B4GALNT4: variants seen among roughly 807,000 people sequenced by gnomAD.
The protein encoded by B4GALNT4 is N-acetyl-beta-glucosaminyl-glycoprotein 4-beta-N-acetylgalactosaminyltransferase 1.
In B4GALNT4, 77 loss-of-function variants were observed where a neutral mutation model predicts 110.0. The ratio of observed to expected loss-of-function variants is 0.70; its 90% CI spans 0.58 to 0.85. The LOEUF is 0.85. Among genes scored for constraint, B4GALNT4 ranks in the 40% least tolerant of loss-of-function variants. The pLI, the probability that B4GALNT4 is intolerant of heterozygous loss-of-function variation, is 0.00. For synonymous variants in B4GALNT4, 785 were observed against 655.5 expected, an observed-to-expected ratio of 1.20 and a Z score of -3.02; for missense variants, 1,575 against 1,506.0, an observed-to-expected ratio of 1.05 and a Z score of -0.76.
chr11:369,532 C>A lies in B4GALNT4; in HGVS notation c.-272C>A, dbSNP rs1846571022. 7.0e-6 allele frequency among the ~76,000 whole-genome samples: 1 copy of A among 143,150 alleles called. No homozygotes were observed. The highest frequency in any genetic ancestry group is 2.1e-4 in the South Asian group (1 of 4,684). 93.9% of individuals were successfully genotyped at this position (143,150 alleles called of 152,430 possible). A position where few individuals can be genotyped will look rare whatever the true frequency, so the allele number is the denominator to read the frequency against. On this transcript the variant is annotated 5_prime_UTR_variant, in exon 1 of 20. Transcript: ENST00000329962. Reference sequence around the variant, plus strand: ...GTGGCAGCCGTGGATGCTGTTCGGTCCCGCCGCCGCCCCAGGAGCGCGGAG... The same window carrying A: ...GTGGCAGCCGTGGATGCTGTTCGGTACCGCCGCCGCCCCAGGAGCGCGGAG...
chr11:381,987 C>T lies in B4GALNT4; in HGVS notation c.*195C>T. 1 of 529,282 alleles carries T rather than the reference C, an allele frequency of 1.9e-6. No homozygotes were observed. The allele number at this position is 529,282 out of a possible 1,614,324, so 32.8% of individuals were successfully genotyped here. A position where few individuals can be genotyped will look rare whatever the true frequency, so the allele number is the denominator to read the frequency against. On this transcript the variant is annotated 3_prime_UTR_variant, in exon 20 of 20. Transcript: ENST00000329962. Reference sequence around the variant, plus strand: ...GCCTTCACGGCGGGTCAGGGCCTGGCCTTGGTCCCCACTCTGCGATGATTT... The same window carrying T: ...GCCTTCACGGCGGGTCAGGGCCTGGTCTTGGTCCCCACTCTGCGATGATTT...
Position 380,367 on chromosome 11 carries a change from C to G in B4GALNT4, c.2791C>G (p.His931Asp). Residue 931 changes from histidine to aspartate, a missense_variant, in exon 18 of 20, where the codon CAC (histidine) becomes GAC (aspartate). By Grantham distance (81) the His-to-Asp change is moderately conservative. Transcript: ENST00000329962. Reference sequence around the variant, plus strand: ...CAACATCCTGGACGGCATCCGCAAGCACTGCGTGGAGGGCAGGCTGGCCTT... The same window carrying G: ...CAACATCCTGGACGGCATCCGCAAGGACTGCGTGGAGGGCAGGCTGGCCTT... ...PPNILDGIRKHCVEGRLAFAP... is the reference protein window; with the variant it reads ...PPNILDGIRKDCVEGRLAFAP... 6.2e-7 allele frequency: 1 copy of G among 1,613,380 alleles called. No individual in the cohort carries two copies. The highest frequency in any genetic ancestry group is 8.5e-7 in the Non-Finnish European group (1 of 1,179,766).
intron 14 of B4GALNT4, among the ~76,000 whole-genome samples, chr11:378,060 G>C (rs893335228): frequency 6.6e-6 from 1 of 152,140 alleles, no homozygotes; most frequent in African/African-American, 2.4e-5. Context: ...TCTCCTGTGC[G>C]TGATGGAAGG....
At position 376,734 on chromosome 11, in the gene B4GALNT4, C is replaced by A; in HGVS notation, c.1611C>A (p.Ser537=). 1 of 1,392,712 alleles carries A rather than the reference C, an allele frequency of 7.2e-7. No individual in the cohort carries two copies. Among genetic ancestry groups the A allele is most frequent in the Non-Finnish European group, 9.3e-7 (1 of 1,079,310 alleles). 86.3% of individuals were successfully genotyped at this position (1,392,712 alleles called of 1,614,324 possible). Residue 537 remains serine (S), a synonymous_variant, in exon 14 of 20, where the codon TCC becomes TCA. Transcript: ENST00000329962. ...VTRVRPGQRA[S]PRAPAPRAPW... ...GGGTGCGGCCGGGACAGCGGGCATC[C>A]CCCCGGGCCCCAGCGCCGCGTGCGC... is the stretch of plus-strand genomic sequence containing the variant.
chr11:372,110 T>C lies in B4GALNT4; in HGVS notation c.153T>C (p.Asp51=), dbSNP rs141374903. 4.5e-6 allele frequency: 7 copies of C among 1,548,720 alleles called. No homozygotes were observed. The East Asian group carries it at 1.7e-4, about 38-fold the overall frequency. Residue 51 remains aspartate, a splice_region_variant and synonymous_variant, in exon 2 of 20, where the codon GAT becomes GAC. Coordinates refer to ENST00000329962, the MANE Select transcript of B4GALNT4 (RefSeq NM_178537.5). ...ACAGGCCTCATGTGCCACCTGCAGA[T>C]GGTGAGAAGCTGACCAGTGAGACCG... The part of the protein sequence containing the change: ...ALRQRLGYGR[D]GEKLTSETDG...
In B4GALNT4 at chr11:376,524, C is replaced by T. The variant is rs900537736; in HGVS notation, c.1401C>T (p.Pro467=). The part of the protein sequence containing the change: ...SGPQSPAPAA[P]AQPGATLAPP... ...CCCAGTCCCCCGCCCCAGCAGCCCCCGCCCAGCCCGGAGCCACCCTCGCCC... is the reference window on the plus strand; with the variant it reads ...CCCAGTCCCCCGCCCCAGCAGCCCCTGCCCAGCCCGGAGCCACCCTCGCCC... The change falls in exon 14 of 20, where the codon CCC becomes CCT. Residue 467 remains proline (P), a synonymous_variant. Coordinates refer to ENST00000329962, the MANE Select transcript of B4GALNT4 (RefSeq NM_178537.5). The T allele has an allele frequency of 9.5e-6, 14 of 1,466,670 alleles. No homozygotes were observed. The highest frequency in any genetic ancestry group is 5.8e-5 in the African/African-American group (4 of 68,898). The allele number at this position is 1,466,670 out of a possible 1,614,324, so 90.9% of individuals were successfully genotyped here. A position where few individuals can be genotyped will look rare whatever the true frequency, so the allele number is the denominator to read the frequency against.
At chr11:375,387 A>G (rs1044905186) in intron 8 of B4GALNT4, 74 bp from the exon 9 acceptor site, 1 of 1,497,334 alleles carries the variant, frequency 6.7e-7, no homozygotes, top group Non-Finnish European at 9.3e-7. Context: ...CCCGGCCCTG[A>G]GCCAGGGTAG....
chr11:373,408 A>AT lies in B4GALNT4; in HGVS notation c.637-41_637-40insT, dbSNP rs1846657125. On this transcript the variant is annotated intron_variant, in intron 6 of 19. Coordinates refer to ENST00000329962, the MANE Select transcript of B4GALNT4 (RefSeq NM_178537.5). ...TTTGGTGTCCCCAGGGAGAGAGTGA[A>AT]CCCCCCCCCCCACCACCACCCCTGC... The AT allele has an allele frequency of 8.7e-6, 7 of 808,750 alleles. 1 individual carries two copies. Among genetic ancestry groups the AT allele is most frequent in the Non-Finnish European group, 1.4e-5 (7 of 514,358 alleles). The allele number at this position is 808,750 out of a possible 1,614,324, so 50.1% of individuals were successfully genotyped here.
Position 377,125 on chromosome 11 carries a change from G to A in B4GALNT4, c.2002G>A (p.Ala668Thr). The A allele has an allele frequency of 4.7e-6, 7 of 1,502,998 alleles. No homozygotes were observed. The highest frequency in any genetic ancestry group is 3.8e-4 in the Middle Eastern group (2 of 5,308). The allele number at this position is 1,502,998 out of a possible 1,614,324, so 93.1% of individuals were successfully genotyped here. A position where few individuals can be genotyped will look rare whatever the true frequency, so the allele number is the denominator to read the frequency against. ...EAASEDSEEA[A>T]GPALGRWRED... ...CGCGTCGGAGGACAGCGAGGAGGCC[G>A]CGGGCCCGGCGCTCGGACGCTGGCG... The change falls in exon 14 of 20, where the codon GCG becomes ACG. Residue 668 changes from alanine to threonine, a missense_variant. Coordinates refer to ENST00000329962, the MANE Select transcript of B4GALNT4 (RefSeq NM_178537.5).
At chr11:376,012 G>A in intron 11 of B4GALNT4, 56 bp downstream of exon 11, 1 of 1,605,094 alleles carries the variant, frequency 6.2e-7, no homozygotes, top group African/African-American at 1.3e-5. Context: ...GCCTTCTCCA[G>A]CCCCTTGGGA....
At chr11:370,494 G>A (rs1003805222) in intron 1 of B4GALNT4, among the ~76,000 whole-genome samples, 2 of 152,148 alleles carry the variant, frequency 1.3e-5, no homozygotes, top group Non-Finnish European at 2.9e-5. Context: ...GGGTCCATGC[G>A]TAGGGATGGG....
At chr11:373,606 C>T in intron 7 of B4GALNT4, 90 bp downstream of exon 7, 1 of 1,538,100 alleles carries the variant, frequency 6.5e-7, no homozygotes, top group Non-Finnish European at 8.9e-7. Context: ...CACTTGCGCA[C>T]ACTCTGCACG....
At chr11:373,722 G>T in intron 7 of B4GALNT4, 28 bp from the exon 8 acceptor site, 2 of 1,609,256 alleles carry the variant, frequency 1.2e-6, no homozygotes, top group South Asian at 1.1e-5. Context: ...CCTGTGCATG[G>T]CACGACCCTT....
At chr11:373,882 C>A (rs1360407290) in intron 8 of B4GALNT4, 54 bp downstream of exon 8, 2 of 1,566,160 alleles carry the variant, frequency 1.3e-6, no homozygotes, top group East Asian at 4.5e-5. Context: ...CCCCACCTCC[C>A]TGCAGGACAA....
chr11:376,019 G>A (rs1197627502), intron 11 of B4GALNT4, 55 bp from the exon 12 acceptor site: 5 of 1,603,378 alleles, frequency 3.1e-6, no homozygotes, highest in Non-Finnish European at 4.3e-6. Flanking sequence ...CCAGCCCCTT[G>A]GGAGGCCGCC....
rs747176899 is a variant in B4GALNT4, at chr11:376,684, C to G, written c.1561C>G (p.Pro521Ala). 2.8e-5 allele frequency: 40 copies of G among 1,427,862 alleles called. No individual in the cohort carries two copies. Among genetic ancestry groups the G allele is most frequent in the Non-Finnish European group, 3.5e-5 (38 of 1,095,276 alleles). 88.4% of individuals were successfully genotyped at this position (1,427,862 alleles called of 1,614,324 possible). ...GCCCCCGCGCCCTGCAGTGGAGCAG[C>G]CGCCCCCAAAGGTGTACGTGACCAG... is the stretch of plus-strand genomic sequence containing the variant. ...APPPRPAVEQ[P>A]PPKVYVTRVR... Residue 521 changes from proline (P) to alanine (A), a missense_variant, in exon 14 of 20, where the codon CCG (proline) becomes GCG (alanine). Transcript: ENST00000329962.
chr11:372,337 G>C, intron 2 of B4GALNT4, 125 bp downstream of exon 2: 2 of 855,044 alleles, frequency 2.3e-6, no homozygotes, highest in Non-Finnish European at 3.8e-6. Context: ...CACAGGACAT[G>C]TGGGGCACGG....
chr11:373,263 C>T lies in B4GALNT4; in HGVS notation c.608C>T (p.Ala203Val). The change falls in exon 6 of 20, where the codon GCT becomes GTT. Residue 203 changes from alanine (A) to valine (V), a missense_variant. Ala to Val is a moderately conservative substitution (Grantham distance 64). Coordinates refer to ENST00000329962, the MANE Select transcript of B4GALNT4 (RefSeq NM_178537.5). ...CTGAGTCTGGACGAGAGCCCTGCTGCTGCCCAGCTTGTGGCCTTTGTGGGC... is the reference window on the plus strand; with the variant it reads ...CTGAGTCTGGACGAGAGCCCTGCTGTTGCCCAGCTTGTGGCCTTTGTGGGC... Reference protein sequence around the residue: ...FWLSLDESPAAAQLVAFVGKT... With the variant: ...FWLSLDESPAVAQLVAFVGKT... 1 of 1,611,386 alleles carries T rather than the reference C, an allele frequency of 6.2e-7. No homozygotes were observed. Among genetic ancestry groups the T allele is most frequent in the East Asian group, 2.2e-5 (1 of 44,812 alleles).
chr11:376,033 G>A (rs749825309), intron 11 of B4GALNT4, 41 bp from the exon 12 acceptor site: 50 of 1,603,294 alleles, frequency 3.1e-5, no homozygotes, highest in Non-Finnish European at 4.0e-5. Context: ...GGCCGCCCCG[G>A]GAGGTCCGCG....
Sources: allele counts gnomAD v4.1 joint callset (sites outside exome capture counted in the v4.1 genomes callset), GRCh38; gene constraint gnomAD v4.1.1; transcripts MANE v1.5; gene names NCBI Gene and HGNC (gene_info 2026-07-23, HGNC 2026-07-21).